LRRC7: variants seen among roughly 807,000 people sequenced by gnomAD.
LRRC7 encodes the protein leucine rich repeat containing 7.
In LRRC7, 23 loss-of-function variants were observed where a neutral mutation model predicts 175.7. The ratio of observed to expected loss-of-function variants is 0.13; its 90% CI spans 0.09 to 0.19. The LOEUF is 0.19. LRRC7 is among the 10% of genes least tolerant of loss of function. The pLI is 1.00. For missense variants in LRRC7, 1,354 were observed against 1,904.7 expected, an observed-to-expected ratio of 0.71 and a Z score of 5.38; for synonymous variants, 685 against 680.9, an observed-to-expected ratio of 1.01 and a Z score of -0.09.
At chr1:70,004,926 G>T (rs115544867) in intron 11 of LRRC7, among the ~76,000 whole-genome samples, 2,922 of 152,064 alleles carry the variant, frequency 0.019, 91 homozygotes, top group African/African-American at 0.068. Context: ...TACATTTTGT[G>T]GAATAGAAGT....
chr1:69,963,982 C>T (rs765754151), intron 8 of LRRC7, among the ~76,000 whole-genome samples: 4 of 152,128 alleles, frequency 2.6e-5, no homozygotes, highest in Non-Finnish European at 4.4e-5. Flanking sequence ...ATCTGATCTC[C>T]TCCTATGCTA....
At chr1:69,675,766 C>T (rs1659674091) in intron 1 of LRRC7, among the ~76,000 whole-genome samples, 2 of 151,908 alleles carry the variant, frequency 1.3e-5, no homozygotes, top group South Asian at 4.1e-4. Context: ...CAGGGACAGA[C>T]CTAGAAGCTT....
At position 70,031,790 on chromosome 1, in the gene LRRC7, CTT is replaced by C. The variant is rs374163199; in HGVS notation, c.1995+3433_1995+3434del. Among the ~76,000 whole-genome samples the C allele has an allele frequency of 8.2e-4, 116 of 141,126 alleles. 1 individual carries two copies. In the Middle Eastern group the frequency reaches 0.019, roughly 23 times the overall value. 92.6% of individuals were successfully genotyped at this position (141,126 alleles called of 152,430 possible). On this transcript the variant is annotated intron_variant, in intron 18 of 26. Transcript: ENST00000651989. Reference sequence around the variant, plus strand: ...AAAAACCCAGCTTCACAAGGATTTTCTTTTTTTTTTTTTTTCCTTTTTCTTTT... The same window carrying C: ...AAAAACCCAGCTTCACAAGGATTTTCTTTTTTTTTTTTTCCTTTTTCTTTT...
At position 69,888,499 on chromosome 1, in the gene LRRC7, G is replaced by C. The variant is rs1011794284; in HGVS notation, c.648-43008G>C. On this transcript the variant is annotated intron_variant, in intron 7 of 26. Transcript: ENST00000651989. ...CTCGCGCACGGTGCGCGCACCCACT[G>C]ACCTGCACCCACTGTCTGGCACTCC... Among the ~76,000 whole-genome samples, 91 of 152,038 alleles carry C rather than the reference G, an allele frequency of 6.0e-4. 2 individuals are homozygous for C. The highest frequency in any genetic ancestry group is 2.1e-4 in the Non-Finnish European group (14 of 68,010).
chr1:69,825,116 C>A (rs1019965465), intron 4 of LRRC7, among the ~76,000 whole-genome samples: 12 of 152,156 alleles, frequency 7.9e-5, no homozygotes, highest in African/African-American at 2.9e-4. Context: ...GGGCAATCAG[C>A]CAGGCTGGCT....
intron 2 of LRRC7, among the ~76,000 whole-genome samples, chr1:69,724,102 G>A (rs1452946192): frequency 6.6e-6 from 1 of 152,118 alleles, no homozygotes; most frequent in African/African-American, 2.4e-5. Context: ...TTCTATGACT[G>A]TTTAAAATTG....
rs973438048 is a variant in LRRC7 at position 70,073,972 on chromosome 1, C to T, written c.4231-2105C>T. Among the ~76,000 whole-genome samples, 86 of 152,134 alleles carry T rather than the reference C, an allele frequency of 5.7e-4. 1 individual carries two copies. Among genetic ancestry groups the T allele is most frequent in the African/African-American group, 1.7e-3 (72 of 41,522 alleles). ...TCCCAGCACTTTGAGAGGCTGAGGC[C>T]GGTAGATCACTTAAGGTCAGGAGTT... On this transcript the variant is annotated intron_variant, in intron 23 of 26. Transcript: ENST00000651989.
chr1:69,858,416 CTGCACATTG>C (rs1364144436), intron 7 of LRRC7, among the ~76,000 whole-genome samples: 1 of 151,652 alleles, frequency 6.6e-6, no homozygotes, highest in Non-Finnish European at 1.5e-5. Flanking sequence ...AATTTACAAC[CTGCACATTG>C]TGCACATGTA....
In LRRC7 at chr1:70,140,833, C is replaced by T. The variant is rs1395539973; in HGVS notation, c.*18946C>T. On this transcript the variant is annotated 3_prime_UTR_variant, in exon 27 of 27. Transcript: ENST00000651989. ...AGACTGAATATTTTGGTTCAGATGGCTTTCCCTTCTCCCTAAGTGTCAGTG... is the reference window on the plus strand; with the variant it reads ...AGACTGAATATTTTGGTTCAGATGGTTTTCCCTTCTCCCTAAGTGTCAGTG... Among the ~76,000 whole-genome samples, 1 of 152,128 alleles carries T rather than the reference C, an allele frequency of 6.6e-6. No individual in the cohort carries two copies. The highest frequency in any genetic ancestry group is 2.4e-5 in the African/African-American group (1 of 41,442).
intron 7 of LRRC7, among the ~76,000 whole-genome samples, chr1:69,885,723 G>C (rs1306652948): frequency 8.0e-6 from 1 of 125,732 alleles, no homozygotes; most frequent in Non-Finnish European, 1.7e-5. Context: ...TGTCAATTTT[G>C]GATCTTTCCT....
At chr1:70,051,969 CT>C (rs1207073943) in intron 22 of LRRC7, among the ~76,000 whole-genome samples, 1 of 151,984 alleles carries the variant, frequency 6.6e-6, no homozygotes, top group African/African-American at 2.4e-5. Flanking sequence ...CCAGTTCTCC[CT>C]TTCTAGGTAG....
intron 7 of LRRC7, among the ~76,000 whole-genome samples, chr1:69,911,189 G>A (rs529982110): frequency 4.2e-5 from 6 of 144,254 alleles, no homozygotes; most frequent in East Asian, 1.9e-4. Flanking sequence ...GCTCGCGCAC[G>A]GTGCACTGCA....
chr1:69,829,869 G>T, intron 5 of LRRC7, among the ~76,000 whole-genome samples: 1 of 151,652 alleles, frequency 6.6e-6, no homozygotes, highest in African/African-American at 2.4e-5. Context: ...CTTCCTCACA[G>T]TTCCTCATAC....
intron 10 of LRRC7, among the ~76,000 whole-genome samples, chr1:69,987,674 G>A (rs1269162265): frequency 1.3e-5 from 2 of 152,092 alleles, no homozygotes; most frequent in East Asian, 1.9e-4. Context: ...CCATATCCTA[G>A]GTAATCCAGT....
chr1:70,096,448 C>T (rs1571313500), intron 25 of LRRC7, among the ~76,000 whole-genome samples: 1 of 152,262 alleles, frequency 6.6e-6, no homozygotes, highest in South Asian at 2.1e-4. Flanking sequence ...AAGGGACTAT[C>T]ATTTAAACCC....
rs1471473927 is a variant in LRRC7, at chr1:69,781,721, AAGAAAGAAAGAAAG to A, written c.304-10318_304-10305del. 2.9e-3 allele frequency among the ~76,000 whole-genome samples: 97 copies of A among 33,398 alleles called. 4 individuals carry two copies. The highest frequency in any genetic ancestry group is 3.8e-3 in the African/African-American group (21 of 5,534). The allele number at this position is 33,398 out of a possible 152,430, so 21.9% of individuals were successfully genotyped here. ...AAAGAAAGAAAGAAAGAAAGAAAGA[AAGAAAGAAAGAAAG>A]AGAGAGAGAGAGAGAGAGAGAGAGA... On this transcript the variant is annotated intron_variant, in intron 3 of 26. Transcript: ENST00000651989.
At chr1:69,914,825 A>G (rs1187421927) in intron 7 of LRRC7, among the ~76,000 whole-genome samples, 3 of 152,174 alleles carry the variant, frequency 2.0e-5, no homozygotes, top group African/African-American at 7.2e-5. Flanking sequence ...TAATATAACA[A>G]TGGTAGAATT....
chr1:70,078,441 A>G (rs921284855), intron 24 of LRRC7, among the ~76,000 whole-genome samples: 1 of 152,188 alleles, frequency 6.6e-6, no homozygotes, highest in Non-Finnish European at 1.5e-5. Flanking sequence ...AAATTATACC[A>G]GGAACATCAG....
intron 1 of LRRC7, among the ~76,000 whole-genome samples, chr1:69,632,691 T>A (rs976010288): frequency 2.4e-4 from 37 of 152,166 alleles, no homozygotes; most frequent in African/African-American, 8.7e-4. Context: ...TGCCTCTCAC[T>A]TTTCCCCAAG....
Sources: gnomAD v4.1 joint callset for allele counts (sites outside exome capture counted in the v4.1 genomes callset) on GRCh38, gnomAD v4.1.1 for gene constraint, MANE v1.5 for transcripts, NCBI Gene and HGNC (gene_info 2026-07-23, HGNC 2026-07-21) for gene names.